Variants in PXDC1 observed in about 807,000 individuals in gnomAD.
PXDC1 encodes the protein PX domain containing 1.
In PXDC1, 13 loss-of-function variants were observed where a neutral mutation model predicts 24.4. That is an observed-to-expected ratio of 0.53 (90% CI 0.35 to 0.85). The LOEUF (loss-of-function observed/expected upper bound fraction) is 0.85, where lower values mean the gene tolerates loss of function less well. PXDC1 is among the 40% of genes least tolerant of loss of function. PXDC1 has a pLI of 0.01. For synonymous variants in PXDC1, 162 were observed against 124.9 expected (o/e 1.30, Z -1.98); for missense variants, 344 against 309.3 (o/e 1.11, Z -0.84).
intron 3 of PXDC1, among the ~76,000 whole-genome samples, chr6:3,729,585 G>A (rs764278575): frequency 2.6e-5 from 4 of 152,220 alleles, no homozygotes; most frequent in Admixed American, 6.5e-5. Flanking sequence ...TAAAAGGGGC[G>A]AAAGAAGATG....
At chr6:3,750,924 G>A (rs1258763795) in intron 1 of PXDC1, among the ~76,000 whole-genome samples, 1 of 152,052 alleles carries the variant, frequency 6.6e-6, no homozygotes, top group African/African-American at 2.4e-5. Context: ...CCGGGCAGGG[G>A]GCTAGGGCCG....
intron 1 of PXDC1, among the ~76,000 whole-genome samples, chr6:3,740,927 G>C (rs1311748381): frequency 6.6e-6 from 1 of 152,262 alleles, no homozygotes; most frequent in Non-Finnish European, 1.5e-5. Flanking sequence ...GGCACCTTAG[G>C]CTCATCTCCC....
chr6:3,726,046 C>T (rs2127597689), intron 4 of PXDC1, among the ~76,000 whole-genome samples: 1 of 152,308 alleles, frequency 6.6e-6, no homozygotes, highest in South Asian at 2.1e-4. Flanking sequence ...TGTGTTTCTC[C>T]TCAGCTCCAG....
intron 1 of PXDC1, among the ~76,000 whole-genome samples, chr6:3,746,631 C>A (rs1760577753): frequency 6.6e-6 from 1 of 152,162 alleles, no homozygotes; most frequent in African/African-American, 2.4e-5. Context: ...TTGCAAGGGC[C>A]CACTGGATGG....
intron 1 of PXDC1, among the ~76,000 whole-genome samples, chr6:3,741,622 T>C (rs894836289): frequency 2.0e-5 from 3 of 152,226 alleles, no homozygotes; most frequent in African/African-American, 7.2e-5. Flanking sequence ...AAGTGATGAA[T>C]TCTGCTGAAC....
chr6:3,727,721 G>T, intron 3 of PXDC1, 59 bp from the exon 4 acceptor site: 1 of 1,135,720 alleles, frequency 8.8e-7, no homozygotes, highest in Non-Finnish European at 1.3e-6. Context: ...AGGTTTTGGA[G>T]TTTGGAACTT....
chr6:3,737,310 C>T lies in PXDC1; in HGVS notation c.349-114G>A, dbSNP rs1760341951. 2.7e-6 allele frequency: 2 copies of T among 749,114 alleles called. No individual in the cohort carries two copies. The highest frequency in any genetic ancestry group is 2.3e-6 in the Non-Finnish European group (1 of 434,240). 46.4% of individuals were successfully genotyped at this position (749,114 alleles called of 1,614,324 possible). ...AGAGGCAGCCTGTGTGATGCAAACG[C>T]CCCATGAATGTCCAGATGCTCCCAT... On this transcript the variant is annotated intron_variant, in intron 2 of 4. Transcript: ENST00000380283. The surrounding 1 kb of genome is among the most constrained non-coding windows in gnomAD (Gnocchi z 5.5).
rs140632699 is a variant in PXDC1 at position 3,731,230 on chromosome 6, G to A, written c.467-3568C>T. 3.6e-3 allele frequency among the ~76,000 whole-genome samples: 542 copies of A among 152,280 alleles called. 2 individuals are homozygous for A. The highest frequency in any genetic ancestry group is 0.012 in the African/African-American group (483 of 41,552). ...CAGATTTTGTGGCTGAAATTGATGA[G>A]TCCAAACAGCCGTATCAAGGCTGAG... On this transcript the variant is annotated intron_variant, in intron 3 of 4. Coordinates refer to ENST00000380283, the MANE Select transcript of PXDC1 (RefSeq NM_183373.4).
chr6:3,741,035 G>A (rs1760438522), intron 1 of PXDC1, among the ~76,000 whole-genome samples: 1 of 152,260 alleles, frequency 6.6e-6, no homozygotes, highest in Non-Finnish European at 1.5e-5. Context: ...AGACAGAAGT[G>A]GACAGGTGTT....
At position 3,728,602 on chromosome 6, in the gene PXDC1, T is replaced by C. The variant is rs1241366468; in HGVS notation, c.467-940A>G. 6.6e-6 allele frequency among the ~76,000 whole-genome samples: 1 copy of C among 152,172 alleles called. No individual in the cohort carries two copies. Among genetic ancestry groups the C allele is most frequent in the East Asian group, 1.9e-4 (1 of 5,194 alleles). The stretch of plus-strand genomic sequence containing the variant: ...TCGTCCTTGGCTGGAGGGGCTGGAA[T>C]GGAGGATGAGGAGCCAGGACAACGA... On this transcript the variant is annotated intron_variant, in intron 3 of 4. Coordinates refer to ENST00000380283, the MANE Select transcript of PXDC1 (RefSeq NM_183373.4). The surrounding 1 kb of genome is among the most constrained non-coding windows in gnomAD (Gnocchi z 4.0).
chr6:3,738,781 T>G (rs548309791), intron 1 of PXDC1: 21 of 1,300,378 alleles, frequency 1.6e-5, no homozygotes, highest in Non-Finnish European at 2.0e-5. Flanking sequence ...GCATAATATT[T>G]TATTTTTAAA....
intron 1 of PXDC1, among the ~76,000 whole-genome samples, chr6:3,748,379 A>C (rs1547145): frequency 0.62 from 93,517 of 151,788 alleles, 29,211 homozygotes; most frequent in Non-Finnish European, 0.66. Flanking sequence ...AGGAAAGGGG[A>C]GAGAGGACAG....
chr6:3,724,095 C>T lies in PXDC1; in HGVS notation c.579-359G>A, dbSNP rs1252618613. Among the ~76,000 whole-genome samples, 1 of 152,186 alleles carries T rather than the reference C, an allele frequency of 6.6e-6. No individual in the cohort carries two copies. Among genetic ancestry groups the T allele is most frequent in the Non-Finnish European group, 1.5e-5 (1 of 68,034 alleles). ...GTCCTCAGGGAAGAGGCGCCTGCCT[C>T]GTGCTGGGCCCTGGGGACAGCTGAG... On this transcript the variant is annotated intron_variant, in intron 4 of 4. Coordinates refer to ENST00000380283, the MANE Select transcript of PXDC1 (RefSeq NM_183373.4). This position sits in a 1 kb window ranked among gnomAD's most constrained non-coding sequence, Gnocchi z 4.5.
In PXDC1 at chr6:3,728,520, C is replaced by T. The variant is rs993631665; in HGVS notation, c.467-858G>A. Among the ~76,000 whole-genome samples, 3 of 152,094 alleles carry T rather than the reference C, an allele frequency of 2.0e-5. No homozygotes were observed. On this transcript the variant is annotated intron_variant, in intron 3 of 4. Coordinates refer to ENST00000380283, the MANE Select transcript of PXDC1 (RefSeq NM_183373.4). This position sits in a 1 kb window ranked among gnomAD's most constrained non-coding sequence, Gnocchi z 4.0. ...ATTTAGAAAAGCCAGCAAAGAAAAACGACTTCCTACGTCCATACTGGCTGC... is the reference window on the plus strand; with the variant it reads ...ATTTAGAAAAGCCAGCAAAGAAAAATGACTTCCTACGTCCATACTGGCTGC...
intron 3 of PXDC1, 50 bp from the exon 4 acceptor site, chr6:3,727,712 G>A (rs201740632): frequency 2.3e-6 from 3 of 1,303,614 alleles, no homozygotes; most frequent in East Asian, 2.3e-5. Flanking sequence ...CGGAGCTTGA[G>A]GTTTTGGAGT....
At chr6:3,741,756 T>TC (rs1760453051) in intron 1 of PXDC1, among the ~76,000 whole-genome samples, 1 of 152,154 alleles carries the variant, frequency 6.6e-6, no homozygotes, top group African/African-American at 2.4e-5. Flanking sequence ...AGCAAACGCC[T>TC]CCCCGCCCCC....
chr6:3,749,075 G>A (rs1417533419), intron 1 of PXDC1, among the ~76,000 whole-genome samples: 2 of 152,080 alleles, frequency 1.3e-5, no homozygotes, highest in Non-Finnish European at 2.9e-5. Context: ...CTTCCCTGGC[G>A]CTGCACAACA....
At position 3,725,555 on chromosome 6, in the gene PXDC1, G is replaced by A. The variant is rs958234308; in HGVS notation, c.579-1819C>T. On this transcript the variant is annotated intron_variant, in intron 4 of 4. Transcript: ENST00000380283. This position sits in a 1 kb window ranked among gnomAD's most constrained non-coding sequence, Gnocchi z 4.8. ...CGGGGCAGCCTGCTGAGACTCTGCT[G>A]TGGGGGCCCTGCTGTGGGCCCGGCG... 6.6e-6 allele frequency among the ~76,000 whole-genome samples: 1 copy of A among 152,224 alleles called. No homozygotes were observed. The highest frequency in any genetic ancestry group is 2.4e-5 in the African/African-American group (1 of 41,456).
In PXDC1 at chr6:3,744,975, C is replaced by T. The variant is rs567196937; in HGVS notation, c.256+6301G>A. ...TCGGCCTCCCAAAGTGCTGGGCTTA[C>T]AGGCGTGAGCCACCGCGGCAGCCAT... On this transcript the variant is annotated intron_variant, in intron 1 of 4. Transcript: ENST00000380283. Among the ~76,000 whole-genome samples the T allele has an allele frequency of 2.6e-5, 4 of 152,244 alleles. No individual in the cohort carries two copies. The South Asian group carries it at 8.3e-4, about 31-fold the overall frequency.
Sources: allele counts gnomAD v4.1 joint callset (sites outside exome capture counted in the v4.1 genomes callset), GRCh38; gene constraint gnomAD v4.1.1; non-coding constraint Gnocchi (gnomAD v3.1); transcripts MANE v1.5; gene names NCBI Gene and HGNC (gene_info 2026-07-23, HGNC 2026-07-21).